Variants in NCOR1 observed in about 807,000 individuals in gnomAD.
NCOR1 encodes nuclear receptor corepressor 1.
NCOR1 carries 63 observed loss-of-function variants against 288.1 expected under a neutral mutation model. The observed-to-expected ratio is 0.22, with a 90% CI of 0.18 to 0.27. The LOEUF (loss-of-function observed/expected upper bound fraction) is 0.27. NCOR1 is among the 10% of genes least tolerant of loss of function. NCOR1 has a pLI of 1.00. For synonymous variants in NCOR1, 1,007 were observed against 1,065.9 expected (o/e 0.94, Z 1.08); for missense variants, 2,397 against 3,019.2 (o/e 0.79, Z 4.83).
intron 40 of NCOR1, 30 bp from the exon 41 acceptor site, chr17:16,049,018 G>T: frequency 6.4e-7 from 1 of 1,560,712 alleles, no homozygotes; most frequent in Non-Finnish European, 8.7e-7. Context: ...ATTAGATTGT[G>T]TTTCAAAGGC....
At chr17:16,139,765 A>G (rs2076902736) in intron 11 of NCOR1, among the ~76,000 whole-genome samples, 1 of 152,178 alleles carries the variant, frequency 6.6e-6, no homozygotes, top group African/African-American at 2.4e-5. Context: ...TTCAACTAAA[A>G]CTTTGTTACA....
intron 19 of NCOR1, among the ~76,000 whole-genome samples, chr17:16,107,798 G>A (rs759419917): frequency 6.6e-6 from 1 of 151,972 alleles, no homozygotes; most frequent in Non-Finnish European, 1.5e-5. Flanking sequence ...CTCTACTCTT[G>A]TAAAGATGAC....
chr17:16,134,696 ATCATCATGGGCAACT>A (rs2076136664), intron 14 of NCOR1, among the ~76,000 whole-genome samples: 1 of 152,194 alleles, frequency 6.6e-6, no homozygotes, highest in Non-Finnish European at 1.5e-5. Flanking sequence ...TCTCTCCTCT[ATCATCATGGGCAACT>A]GGCTGCTAAT....
In NCOR1 at chr17:16,044,961, A is replaced by T. The variant is rs1258687999; in HGVS notation, c.6679+1990T>A. On this transcript the variant is annotated intron_variant, in intron 42 of 45. Coordinates refer to ENST00000268712, the MANE Select transcript of NCOR1 (RefSeq NM_006311.4). The stretch of plus-strand genomic sequence containing the variant: ...CATGGGCTTTTGGTTGTTTTGACTA[A>T]ATTTCTTATAACGTGTTCAATACAA... 1.2e-5 allele frequency: 7 copies of T among 570,392 alleles called. No homozygotes were observed. In the African/African-American group the frequency reaches 1.3e-4, roughly 11 times the overall value. 35.3% of individuals were successfully genotyped at this position (570,392 alleles called of 1,614,324 possible). A position where few individuals can be genotyped will look rare whatever the true frequency, so the allele number is the denominator to read the frequency against.
intron 1 of NCOR1, among the ~76,000 whole-genome samples, chr17:16,196,476 T>C (rs1347337919): frequency 3.3e-5 from 5 of 151,940 alleles, no homozygotes; most frequent in Non-Finnish European, 7.4e-5. Context: ...TCAAGACCAG[T>C]CTGGGCAATG....
intron 3 of NCOR1, among the ~76,000 whole-genome samples, chr17:16,181,217 G>A (rs866022964): frequency 0.13 from 17,562 of 131,948 alleles, 1,330 homozygotes; most frequent in African/African-American, 0.24. Flanking sequence ...ATGTATGTGT[G>A]TGTGTGTGTG....
In NCOR1 at chr17:16,130,679, A is replaced by C. The variant is rs150907428; in HGVS notation, c.1510-4473T>G. On this transcript the variant is annotated intron_variant, in intron 14 of 45. Coordinates refer to ENST00000268712, the MANE Select transcript of NCOR1 (RefSeq NM_006311.4). Reference sequence around the variant, plus strand: ...GTAAAAGTTAAGTGTATTTCTTTTTATTTTTATTTTTATTTTCATTGTGAG... The same window carrying C: ...GTAAAAGTTAAGTGTATTTCTTTTTCTTTTTATTTTTATTTTCATTGTGAG... Among the ~76,000 whole-genome samples the C allele has an allele frequency of 5.9e-3, 898 of 151,112 alleles. 6 individuals carry two copies. Among genetic ancestry groups the C allele is most frequent in the African/African-American group, 0.019 (787 of 40,846 alleles).
At chr17:16,114,705 T>C (rs1033124213) in intron 18 of NCOR1, among the ~76,000 whole-genome samples, 5 of 152,222 alleles carry the variant, frequency 3.3e-5, no homozygotes, top group Non-Finnish European at 7.3e-5. Flanking sequence ...TGACTCCATG[T>C]CTCACGTCCA....
At chr17:16,071,117 T>A (rs147459055) in intron 30 of NCOR1, among the ~76,000 whole-genome samples, 16 of 151,058 alleles carry the variant, frequency 1.1e-4, no homozygotes, top group Non-Finnish European at 1.6e-4. Context: ...CCTGTCTCTA[T>A]AAAAATACAA....
chr17:16,161,259 A>T (rs2080806742), intron 5 of NCOR1, among the ~76,000 whole-genome samples: 1 of 149,720 alleles, frequency 6.7e-6, no homozygotes, highest in Non-Finnish European at 1.5e-5. Flanking sequence ...ACACACACAC[A>T]CACACACACA....
At chr17:16,139,211 A>G (rs368403296) in intron 11 of NCOR1, 25 bp from the exon 12 acceptor site, 8 of 1,594,950 alleles carry the variant, frequency 5.0e-6, no homozygotes, top group Middle Eastern at 1.7e-4. Flanking sequence ...CAATTTACTT[A>G]GAATAAAACA....
chr17:16,073,480 T>C lies in NCOR1; in HGVS notation c.3760A>G (p.Ile1254Val). 1.2e-6 allele frequency: 2 copies of C among 1,612,326 alleles called. No homozygotes were observed. Among genetic ancestry groups the C allele is most frequent in the African/African-American group, 1.3e-5 (1 of 75,028 alleles). The change falls in exon 28 of 46, where the codon ATA becomes GTA. Residue 1254 changes from isoleucine to valine, a missense_variant. Ile to Val is a conservative substitution (Grantham distance 29). This residue lies in a region of NCOR1 where 1,872 missense variants were observed against 2,187.8 expected (regional missense o/e 0.86). Transcript: ENST00000268712. ...KRSYESVEGN[I>V]KQGMSMRESP... The stretch of plus-strand genomic sequence containing the variant: ...TCCCTCATTGACATCCCTTGCTTTA[T>C]ATTTCCTTCCACTGATTCATAGCTT...
intron 2 of NCOR1, among the ~76,000 whole-genome samples, chr17:16,187,624 C>A (rs1440444938): frequency 6.6e-6 from 1 of 151,574 alleles, no homozygotes; most frequent in African/African-American, 2.4e-5. Context: ...CAAATCCAGG[C>A]TGGGTGCTAT....
chr17:16,163,715 A>G (rs199529838), intron 5 of NCOR1, among the ~76,000 whole-genome samples: 1 of 152,222 alleles, frequency 6.6e-6, no homozygotes, highest in Non-Finnish European at 1.5e-5. Flanking sequence ...TCTCATCACA[A>G]TACATCACTA....
chr17:16,160,498 A>G (rs572222008), intron 5 of NCOR1, among the ~76,000 whole-genome samples: 29 of 152,342 alleles, frequency 1.9e-4, no homozygotes, highest in African/African-American at 6.5e-4. Context: ...ATACTACTAA[A>G]TAAGACTGAT....
intron 5 of NCOR1, among the ~76,000 whole-genome samples, chr17:16,159,311 G>T (rs2080338749): frequency 1.3e-5 from 2 of 151,274 alleles, no homozygotes; most frequent in Admixed American, 1.3e-4. Flanking sequence ...TACTAAGAAG[G>T]CTGAGGCAGG....
intron 14 of NCOR1, among the ~76,000 whole-genome samples, chr17:16,132,676 T>C (rs2075816798): frequency 6.6e-6 from 1 of 152,204 alleles, no homozygotes; most frequent in African/African-American, 2.4e-5. Flanking sequence ...CTCATTTTCC[T>C]ATGAGTCTAA....
intron 23 of NCOR1, among the ~76,000 whole-genome samples, chr17:16,085,007 A>C (rs1376371298): frequency 2.6e-5 from 4 of 152,212 alleles, no homozygotes; most frequent in Non-Finnish European, 5.9e-5. Context: ...TAAGAAAATA[A>C]ACAGACAAAA....
rs376471662 is a variant in NCOR1 at position 16,214,276 on chromosome 17, A to G, written c.-71+1086T>C. Among the ~76,000 whole-genome samples, 36 of 152,362 alleles carry G rather than the reference A, an allele frequency of 2.4e-4. No individual in the cohort carries two copies. In the East Asian group the frequency reaches 5.4e-3, roughly 23 times the overall value. ...AATTAAACGATGCCATCAACTCTTC[A>G]GTTATCCACAGGACAATCACATGTG... is the stretch of plus-strand genomic sequence containing the variant. On this transcript the variant is annotated intron_variant, in intron 1 of 45. Coordinates refer to ENST00000268712, the MANE Select transcript of NCOR1 (RefSeq NM_006311.4).
Sources: gnomAD v4.1 joint callset for allele counts (sites outside exome capture counted in the v4.1 genomes callset) on GRCh38, gnomAD v4.1.1 for gene constraint, gnomAD v4.1.1 regional missense constraint, MANE v1.5 for transcripts, NCBI Gene and HGNC (gene_info 2026-07-23, HGNC 2026-07-21) for gene names.